GRIK2: variants seen among roughly 807,000 people sequenced by gnomAD.
GRIK2 encodes glutamate receptor ionotropic, kainate 2.
GRIK2 carries 32 observed loss-of-function variants against 100.3 expected under a neutral mutation model. The observed-to-expected ratio is 0.32, with a 90% CI of 0.24 to 0.43. GRIK2 has a LOEUF of 0.43. Among genes scored for constraint, GRIK2 ranks in the 20% least tolerant of loss-of-function variants. The probability of loss-of-function intolerance (pLI) is 1.00; values close to 1 mark genes in which losing one functional copy is unlikely to be tolerated. For missense variants in GRIK2, 843 were observed against 1,114.9 expected (o/e 0.76, Z 3.47); for synonymous variants, 417 against 389.4 (o/e 1.07, Z -0.83).
intron 4 of GRIK2, among the ~76,000 whole-genome samples, chr6:101,664,302 G>T (rs540794691): frequency 3.9e-5 from 6 of 152,208 alleles, no homozygotes; most frequent in South Asian, 2.1e-4. Context: ...ATAATAGGAT[G>T]GGTCTAGGCT....
At chr6:101,621,347 G>A (rs2128316618) in intron 2 of GRIK2, among the ~76,000 whole-genome samples, 1 of 152,186 alleles carries the variant, frequency 6.6e-6, no homozygotes, top group Non-Finnish European at 1.5e-5. Flanking sequence ...CAACTACTGG[G>A]GAGGCTGAGG....
Position 101,688,375 on chromosome 6 carries a change from C to T in GRIK2, c.951+2022C>T, listed in dbSNP as rs533358700. On this transcript the variant is annotated intron_variant, in intron 7 of 16. Coordinates refer to ENST00000369134, the MANE Select transcript of GRIK2 (RefSeq NM_021956.5). ...GTACACTCTGTATAGCTATGTGAGT[C>T]CCTCTGTGACTTTACACATCATCTC... Among the ~76,000 whole-genome samples, 41 of 151,800 alleles carry T rather than the reference C, an allele frequency of 2.7e-4. 1 individual carries two copies. Among genetic ancestry groups the T allele is most frequent in the African/African-American group, 9.9e-4 (41 of 41,490 alleles).
chr6:101,565,915 T>TTATATATATATATATATATATA (rs71797313), intron 2 of GRIK2, among the ~76,000 whole-genome samples: 6 of 123,338 alleles, frequency 4.9e-5, no homozygotes, highest in African/African-American at 1.0e-4. Flanking sequence ...TATACCTATT[T>TTATATATATATATATATATATA]TATATATATA....
intron 14 of GRIK2, among the ~76,000 whole-genome samples, chr6:102,034,839 T>G (rs578088316): frequency 6.6e-6 from 1 of 151,562 alleles, no homozygotes; most frequent in South Asian, 2.1e-4. Context: ...ATACATTTTT[T>G]GTGTATCCCT....
intron 7 of GRIK2, among the ~76,000 whole-genome samples, chr6:101,759,818 A>T (rs1160616436): frequency 6.6e-6 from 1 of 151,954 alleles, no homozygotes; most frequent in Non-Finnish European, 1.5e-5. Flanking sequence ...AGGTTTCTTT[A>T]ATAATCACTA....
chr6:101,586,719 A>T (rs572226168), intron 2 of GRIK2, among the ~76,000 whole-genome samples: 25 of 80,588 alleles, frequency 3.1e-4, no homozygotes, highest in African/African-American at 1.2e-3. Flanking sequence ...AAATAAAATT[A>T]AAAAAAAAAC....
At chr6:101,833,392 G>T (rs188327521) in intron 10 of GRIK2, among the ~76,000 whole-genome samples, 1 of 147,314 alleles carries the variant, frequency 6.8e-6, no homozygotes, top group African/African-American at 2.5e-5. Flanking sequence ...CACCATGCCC[G>T]GCTAATTTTT....
At chr6:101,869,718 T>C (rs1785269166) in intron 11 of GRIK2, among the ~76,000 whole-genome samples, 2 of 151,746 alleles carry the variant, frequency 1.3e-5, no homozygotes, top group Admixed American at 1.3e-4. Context: ...AATAGGCAAG[T>C]AGTCAGCAAG....
chr6:101,738,024 GTCT>G (rs1775767281), intron 7 of GRIK2, among the ~76,000 whole-genome samples: 1 of 152,030 alleles, frequency 6.6e-6, no homozygotes, highest in African/African-American at 2.4e-5. Context: ...TGAGACATAT[GTCT>G]TCTTTTTTTT....
chr6:102,040,995 A>AGAG (rs1770535383), intron 15 of GRIK2, among the ~76,000 whole-genome samples: 1 of 151,636 alleles, frequency 6.6e-6, no homozygotes, highest in Non-Finnish European at 1.5e-5. Flanking sequence ...AATAATTTTC[A>AGAG]GAGACTGAAT....
At chr6:101,943,353 G>C (rs1042402799) in intron 14 of GRIK2, among the ~76,000 whole-genome samples, 1 of 152,206 alleles carries the variant, frequency 6.6e-6, no homozygotes, top group Non-Finnish European at 1.5e-5. Context: ...GGGGAAATGT[G>C]GGGTTGGAGC....
At chr6:101,669,510 C>T (rs1770272549) in intron 4 of GRIK2, among the ~76,000 whole-genome samples, 1 of 151,938 alleles carries the variant, frequency 6.6e-6, no homozygotes, top group Non-Finnish European at 1.5e-5. Flanking sequence ...TGCATATTTG[C>T]TTGTGTGTGA....
chr6:101,733,116 T>C (rs1307984107), intron 7 of GRIK2, among the ~76,000 whole-genome samples: 1 of 152,132 alleles, frequency 6.6e-6, no homozygotes, highest in Non-Finnish European at 1.5e-5. Context: ...CCAAAATTCA[T>C]GTCCTCACAT....
At chr6:101,500,022 T>C (rs1357400916) in intron 2 of GRIK2, among the ~76,000 whole-genome samples, 1 of 152,162 alleles carries the variant, frequency 6.6e-6, no homozygotes, top group Non-Finnish European at 1.5e-5. Context: ...AATGTGTACT[T>C]TCTGGCTCTT....
At chr6:101,403,707 C>T (rs1775448242) in intron 2 of GRIK2, among the ~76,000 whole-genome samples, 1 of 152,180 alleles carries the variant, frequency 6.6e-6, no homozygotes, top group Non-Finnish European at 1.5e-5. Flanking sequence ...GATTTTTCCT[C>T]CTTTGAGAGG....
chr6:102,025,037 C>T (rs35306110), intron 14 of GRIK2, among the ~76,000 whole-genome samples: 40,833 of 150,658 alleles, frequency 0.27, 5,937 homozygotes, highest in East Asian at 0.34. Context: ...ATAGTCTAAT[C>T]CGTTTATTCC....
chr6:101,751,412 T>C (rs1297991045), intron 7 of GRIK2, among the ~76,000 whole-genome samples: 1 of 152,188 alleles, frequency 6.6e-6, no homozygotes, highest in African/African-American at 2.4e-5. Context: ...ACTTTTCCAT[T>C]TTATATCATA....
intron 1 of GRIK2, among the ~76,000 whole-genome samples, chr6:101,397,969 T>C (rs3811081): frequency 0.065 from 9,858 of 152,038 alleles, 444 homozygotes; most frequent in East Asian, 0.2. Flanking sequence ...ATTTTAATAA[T>C]AAAAATGTAT....
intron 14 of GRIK2, among the ~76,000 whole-genome samples, chr6:101,929,980 G>T (rs989017921): frequency 2.6e-5 from 4 of 151,814 alleles, no homozygotes; most frequent in African/African-American, 9.7e-5. Context: ...TTTCTTAATT[G>T]AATATTGAGA....
Sources: gnomAD v4.1 joint callset for allele counts (sites outside exome capture counted in the v4.1 genomes callset) on GRCh38, gnomAD v4.1.1 for gene constraint, MANE v1.5 for transcripts, NCBI Gene and HGNC (gene_info 2026-07-23, HGNC 2026-07-21) for gene names.